The following SLC8B1 variants were observed in gnomAD, a reference collection of about 807,000 sequenced individuals.
The protein encoded by SLC8B1 is solute carrier family 8 member B1.
Under a neutral mutation model 63.4 loss-of-function variants are expected in SLC8B1, and 52 were observed. The ratio of observed to expected loss-of-function variants is 0.82; its 90% CI spans 0.66 to 1.03. The LOEUF (loss-of-function observed/expected upper bound fraction) is 1.03, where lower values mean the gene tolerates loss of function less well. Among genes scored for constraint, SLC8B1 ranks in the 50% least tolerant of loss-of-function variants. The pLI is 0.00. For missense variants in SLC8B1, 657 were observed against 741.7 expected, an observed-to-expected ratio of 0.89 and a Z score of 1.33; for synonymous variants, 336 against 323.9, an observed-to-expected ratio of 1.04 and a Z score of -0.40.
chr12:113,330,154 T>C (rs915383653), intron 2 of SLC8B1, among the ~76,000 whole-genome samples: 1 of 152,144 alleles, frequency 6.6e-6, no homozygotes, highest in Non-Finnish European at 1.5e-5. Flanking sequence ...CACTAGAGTA[T>C]AAGCTCCAGG....
intron 12 of SLC8B1, chr12:113,308,712 T>G (rs962846661): frequency 6.6e-6 from 1 of 152,192 alleles, no homozygotes; most frequent in Non-Finnish European, 1.5e-5. Context: ...GAAAGACAAT[T>G]TTCCCTAAGT....
chr12:113,315,948 GAT>G (rs1353944193), intron 10 of SLC8B1, among the ~76,000 whole-genome samples: 47 of 152,336 alleles, frequency 3.1e-4, no homozygotes, highest in Non-Finnish European at 7.3e-5. Flanking sequence ...ATGATGGCTG[GAT>G]GCGGTGGCTC....
At chr12:113,307,664 A>G in intron 13 of SLC8B1, 27 bp downstream of exon 13, 1 of 1,604,640 alleles carries the variant, frequency 6.2e-7, no homozygotes, top group Non-Finnish European at 8.5e-7. Context: ...ACTCACCCCC[A>G]CTCAACCCCA....
At chr12:113,333,450 C>T (rs1162401661) in intron 1 of SLC8B1, among the ~76,000 whole-genome samples, 2 of 152,218 alleles carry the variant, frequency 1.3e-5, no homozygotes, top group East Asian at 3.9e-4. Flanking sequence ...CTAAGCAATG[C>T]TGTTGTTCTG....
chr12:113,321,403 A>G, intron 2 of SLC8B1, 55 bp from the exon 3 acceptor site: 1 of 1,611,432 alleles, frequency 6.2e-7, no homozygotes, highest in Non-Finnish European at 8.5e-7. Flanking sequence ...TGAGAACTAG[A>G]CTAGGCCCAT....
chr12:113,300,990 G>C (rs7958595), intron 15 of SLC8B1, among the ~76,000 whole-genome samples: 3 of 152,008 alleles, frequency 2.0e-5, no homozygotes, highest in Admixed American at 2.0e-4. Context: ...ACCAAAATTA[G>C]CCAGGTGTGG....
Position 113,304,336 on chromosome 12 carries a change from G to T in SLC8B1, c.1542C>A (p.Ser514Arg), listed in dbSNP as rs1055976712. The change falls in exon 15 of 16, where the codon AGC (serine) becomes AGA (arginine). Residue 514 changes from serine to arginine, a missense_variant. Coordinates refer to ENST00000680972, the MANE Select transcript of SLC8B1 (RefSeq NM_001358345.2). Reference sequence around the variant, plus strand: ...GAATACTCACCTTCACTTCTGTGTGGCTTCGGGAGATCTGGAGCAGGCAGC... The same window carrying T: ...GAATACTCACCTTCACTTCTGTGTGTCTTCGGGAGATCTGGAGCAGGCAGC... ...GLGCLLQISR[S>R]HTEVKLEPDG... 6.2e-7 allele frequency: 1 copy of T among 1,613,948 alleles called. No individual in the cohort carries two copies. Among genetic ancestry groups the T allele is most frequent in the South Asian group, 1.1e-5 (1 of 91,080 alleles).
intron 2 of SLC8B1, among the ~76,000 whole-genome samples, chr12:113,330,868 C>T (rs1345947461): frequency 6.6e-6 from 1 of 152,126 alleles, no homozygotes; most frequent in Non-Finnish European, 1.5e-5. Context: ...ACAGGGCACT[C>T]CAGGGGGTCA....
At chr12:113,331,281 C>T (rs1208928844) in intron 2 of SLC8B1, among the ~76,000 whole-genome samples, 3 of 151,048 alleles carry the variant, frequency 2.0e-5, no homozygotes, top group East Asian at 3.9e-4. Flanking sequence ...CCCAACTACT[C>T]GGGAGGCTGT....
At chr12:113,300,079 C>T in intron 15 of SLC8B1, 105 bp from the exon 16 acceptor site, 1 of 875,288 alleles carries the variant, frequency 1.1e-6, no homozygotes, top group Non-Finnish European at 1.7e-6. Flanking sequence ...GCAGCCTCAA[C>T]AACAATGCAG....
chr12:113,333,182 A>G (rs1323508227), intron 1 of SLC8B1, among the ~76,000 whole-genome samples: 1 of 152,154 alleles, frequency 6.6e-6, no homozygotes, highest in Non-Finnish European at 1.5e-5. Context: ...AACCCATGAA[A>G]ACCTACCCAG....
chr12:113,310,218 A>T lies in SLC8B1; in HGVS notation c.1257+16T>A, dbSNP rs762997562. The T allele has an allele frequency of 3.7e-6, 6 of 1,611,416 alleles. No individual in the cohort carries two copies. Among genetic ancestry groups the T allele is most frequent in the Non-Finnish European group, 8.5e-7 (1 of 1,179,024 alleles). ...GCATCCCTCCCCCCCCATCTCGGAG[A>T]ACCCGGGCTTCTTACCCAGTGAAGC... On this transcript the variant is annotated intron_variant, in intron 12 of 15. Transcript: ENST00000680972.
At chr12:113,311,036 C>T (rs562407077) in intron 11 of SLC8B1, among the ~76,000 whole-genome samples, 5 of 152,242 alleles carry the variant, frequency 3.3e-5, no homozygotes, top group Admixed American at 6.5e-5. Context: ...GTGAGGAGGC[C>T]GGGTGTGGTG....
chr12:113,302,880 T>TCC (rs1566222064), intron 15 of SLC8B1, among the ~76,000 whole-genome samples: 1 of 152,072 alleles, frequency 6.6e-6, no homozygotes, highest in East Asian at 1.9e-4. Context: ...GTACAATAGG[T>TCC]AAGTGTTTCA....
chr12:113,299,703 G>C lies in SLC8B1; in HGVS notation c.*74C>G, dbSNP rs183550099. On this transcript the variant is annotated 3_prime_UTR_variant, in exon 16 of 16. Coordinates refer to ENST00000680972, the MANE Select transcript of SLC8B1 (RefSeq NM_001358345.2). Reference sequence around the variant, plus strand: ...CACAAGGGCCTTGCAGAAATGCTCCGGTCCCTGGGCCTCCCCCGGCAGGAG... The same window carrying C: ...CACAAGGGCCTTGCAGAAATGCTCCCGTCCCTGGGCCTCCCCCGGCAGGAG... 44 of 1,481,892 alleles carry C rather than the reference G, an allele frequency of 3.0e-5. No individual in the cohort carries two copies. In the Admixed American group the frequency reaches 5.4e-4, roughly 18 times the overall value. The allele number at this position is 1,481,892 out of a possible 1,614,324, so 91.8% of individuals were successfully genotyped here. A position where few individuals can be genotyped will look rare whatever the true frequency, so the allele number is the denominator to read the frequency against.
rs765894974 is a variant in SLC8B1, at chr12:113,315,445, A to T, written c.1025T>A (p.Val342Asp). 30 of 1,602,494 alleles carry T rather than the reference A, an allele frequency of 1.9e-5. No individual in the cohort carries two copies. Among genetic ancestry groups the T allele is most frequent in the Non-Finnish European group, 2.5e-5 (29 of 1,175,158 alleles). The change falls in exon 11 of 16, where the codon GTC becomes GAC. Residue 342 changes from valine to aspartate, a missense_variant. Physicochemically the swap from Val to Asp is radical, Grantham distance 152 (BLOSUM62 -3). Transcript: ENST00000680972. ...ATCCTTGTCCGGGTCCACGACGGGG[A>T]CTGTGAGGAGCAGCAGGAACTCCAC... is the stretch of plus-strand genomic sequence containing the variant. ...LPVEFLLLLT[V>D]PVVDPDKDDQ... is the part of the protein sequence containing the mutation.
chr12:113,306,814 A>G (rs541030686), intron 13 of SLC8B1: 6 of 542,674 alleles, frequency 1.1e-5, no homozygotes, highest in South Asian at 1.1e-4. Context: ...TGCAGGTGTG[A>G]AAAACGCGGC....
rs1304156355 is a variant in SLC8B1, at chr12:113,332,875, C to T, written c.4G>A (p.Ala2Thr). The change falls in exon 2 of 16, where the codon GCC (alanine) becomes ACC (threonine). Residue 2 changes from alanine (A) to threonine (T), a missense_variant. Physicochemically the swap from Ala to Thr is moderately conservative, Grantham distance 58. Transcript: ENST00000680972. ...CAGCGCAGATTCAGCCTTCTGCCGG[C>T]CATCTGCCCCCACGGGGCCTGGCCC... M[A>T]GRRLNLRWAL... 6.2e-7 allele frequency: 1 copy of T among 1,613,674 alleles called. No individual in the cohort carries two copies. Among genetic ancestry groups the T allele is most frequent in the East Asian group, 2.2e-5 (1 of 44,896 alleles).
rs1415126916 is a variant in SLC8B1 at position 113,300,964 on chromosome 12, C to T, written c.1558-990G>A. On this transcript the variant is annotated intron_variant, in intron 15 of 15. Transcript: ENST00000680972. ...CAGCCTGACCAACATGGTGAAACCC[C>T]GTCTCTATTAAAAATACCAAAATTA... is the stretch of plus-strand genomic sequence containing the variant. 7.2e-5 allele frequency among the ~76,000 whole-genome samples: 11 copies of T among 152,162 alleles called. No homozygotes were observed. The South Asian group carries it at 1.2e-3, about 17-fold the overall frequency.
Sources: gnomAD v4.1 joint callset for allele counts (sites outside exome capture counted in the v4.1 genomes callset) on GRCh38, gnomAD v4.1.1 for gene constraint, MANE v1.5 for transcripts, NCBI Gene and HGNC (gene_info 2026-07-23, HGNC 2026-07-21) for gene names.